The following RNF38 variants were observed in gnomAD, a reference collection of about 807,000 sequenced individuals.
The protein encoded by RNF38 is ring finger protein 38.
A neutral mutation model predicts 67.2 loss-of-function variants in RNF38; 15 were observed. The ratio of observed to expected loss-of-function variants is 0.22; its 90% CI spans 0.15 to 0.34. The LOEUF is 0.34. Among genes scored for constraint, RNF38 ranks in the 10% least tolerant of loss-of-function variants. RNF38 has a pLI of 1.00. For synonymous variants in RNF38, 220 were observed against 218.8 expected (o/e 1.01, Z -0.05); for missense variants, 524 against 639.9 (o/e 0.82, Z 1.95).
upstream of RNF38, chr9:36,400,987 T>A: frequency 2.0e-6 from 2 of 981,758 alleles, no homozygotes; most frequent in Non-Finnish European, 2.4e-6. Context: ...CGCACTGGCC[T>A]CCGCTGCGCG....
chr9:36,431,001 C>A (rs1415430258), intron 1 of RNF38, among the ~76,000 whole-genome samples: 1 of 152,174 alleles, frequency 6.6e-6, no homozygotes, highest in Non-Finnish European at 1.5e-5. Context: ...TTAATGTAGA[C>A]CCCAAAGGTA....
chr9:36,354,340 C>T lies in RNF38; in HGVS notation c.910-1009G>A, dbSNP rs903489415. 8.5e-5 allele frequency among the ~76,000 whole-genome samples: 13 copies of T among 152,276 alleles called. No homozygotes were observed. In the South Asian group the frequency reaches 1.7e-3, roughly 19 times the overall value. On this transcript the variant is annotated intron_variant, in intron 6 of 11. Transcript: ENST00000259605. ...CCTGAGTAGCTGGGGCTAGGGCGCC[C>T]GCCACCACACCTGGCTACTTTTTTG...
At position 36,391,610 on chromosome 9, in the gene RNF38, T is replaced by C. The variant is rs568929342; in HGVS notation, c.13-994A>G. On this transcript the variant is annotated intron_variant, in intron 1 of 11. Transcript: ENST00000259605. ...AACCAAAAACAAAGGCATCGTTTCC[T>C]ACTTTTTTTTTTTTTTTTTTTTGAG... Among the ~76,000 whole-genome samples the C allele has an allele frequency of 1.3e-3, 197 of 149,864 alleles. 1 individual carries two copies. Among genetic ancestry groups the C allele is most frequent in the African/African-American group, 4.5e-3 (186 of 40,920 alleles).
intron 8 of RNF38, among the ~76,000 whole-genome samples, chr9:36,352,034 T>A (rs1463192090): frequency 2.0e-5 from 3 of 152,296 alleles, no homozygotes; most frequent in African/African-American, 7.2e-5. Flanking sequence ...GCGCAGTGGC[T>A]CACACCTGTA....
chr9:36,360,105 T>C (rs1834415239), intron 4 of RNF38, among the ~76,000 whole-genome samples: 1 of 152,064 alleles, frequency 6.6e-6, no homozygotes. Flanking sequence ...CACGGTTCTG[T>C]CTTTCAAGAA....
chr9:36,381,809 G>A (rs762725951), intron 2 of RNF38, among the ~76,000 whole-genome samples: 1 of 152,152 alleles, frequency 6.6e-6, no homozygotes, highest in African/African-American at 2.4e-5. Flanking sequence ...ACTGTAATTC[G>A]ACTGTAGTGG....
chr9:36,471,091 T>C (rs1166049075), intron 1 of RNF38, among the ~76,000 whole-genome samples: 1 of 152,172 alleles, frequency 6.6e-6, no homozygotes, highest in African/African-American at 2.4e-5. Context: ...ACGATGTGCT[T>C]TTTTAAGGCA....
chr9:36,460,885 C>CAAAAAAAAAAAAAAA (rs752827635), intron 1 of RNF38, among the ~76,000 whole-genome samples: 2 of 52,948 alleles, frequency 3.8e-5, no homozygotes, highest in Admixed American at 2.6e-4. Context: ...GAAACTCTCT[C>CAAAAAAAAAAAAAAA]AAAAAAAAAA....
intron 1 of RNF38, among the ~76,000 whole-genome samples, chr9:36,393,518 TGTGTGG>T (rs1157026989): frequency 0.013 from 1,809 of 142,028 alleles, 26 homozygotes; most frequent in East Asian, 0.029. Flanking sequence ...TGTGTGTGTG[TGTGTGG>T]GGCAGGCAGT....
chr9:36,406,978 A>G (rs1159448924), intron 2 of RNF38, among the ~76,000 whole-genome samples: 2 of 152,126 alleles, frequency 1.3e-5, no homozygotes, highest in African/African-American at 2.4e-5. Flanking sequence ...CCTGGACAGC[A>G]TGATGAAACC....
At chr9:36,436,609 G>C (rs986819821) in intron 1 of RNF38, among the ~76,000 whole-genome samples, 1 of 152,066 alleles carries the variant, frequency 6.6e-6, no homozygotes, top group Non-Finnish European at 1.5e-5. Context: ...GGATCATGAG[G>C]TCAGGAGATT....
At chr9:36,393,523 G>GTGTGTGTGTGTGTGT (rs1554689616) in intron 1 of RNF38, among the ~76,000 whole-genome samples, 2 of 83,590 alleles carry the variant, frequency 2.4e-5, no homozygotes, top group African/African-American at 7.7e-5. Flanking sequence ...GTGTGTGTGT[G>GTGTGTGTGTGTGTGT]GGGCAGGCAG....
intron 2 of RNF38, among the ~76,000 whole-genome samples, chr9:36,415,981 T>C (rs1838455541): frequency 6.6e-6 from 1 of 151,832 alleles, no homozygotes; most frequent in Non-Finnish European, 1.5e-5. Context: ...TCGACTGCAG[T>C]AGTACGGGGC....
intron 1 of RNF38, among the ~76,000 whole-genome samples, chr9:36,451,053 A>G (rs1417156360): frequency 2.0e-5 from 3 of 152,224 alleles, no homozygotes; most frequent in African/African-American, 7.2e-5. Flanking sequence ...CTAGCAACCA[A>G]TGCAGTGCAA....
intron 1 of RNF38, among the ~76,000 whole-genome samples, chr9:36,431,810 C>T (rs918249811): frequency 1.3e-5 from 2 of 152,192 alleles, no homozygotes; most frequent in Non-Finnish European, 2.9e-5. Flanking sequence ...AAAGTTCCAA[C>T]ACTCAAATTG....
chr9:36,411,290 G>A (rs1413201461), intron 2 of RNF38, among the ~76,000 whole-genome samples: 3 of 152,082 alleles, frequency 2.0e-5, no homozygotes, highest in Non-Finnish European at 4.4e-5. Flanking sequence ...AGGATTTGGA[G>A]AAACTGGAAT....
At chr9:36,358,363 C>T (rs1834280461) in intron 4 of RNF38, among the ~76,000 whole-genome samples, 1 of 152,148 alleles carries the variant, frequency 6.6e-6, no homozygotes, top group Non-Finnish European at 1.5e-5. Context: ...TCTCATTTCC[C>T]GCCTAGCCAA....
Position 36,338,731 on chromosome 9 carries a change from A to C in RNF38, c.*1021T>G, listed in dbSNP as rs898267233. On this transcript the variant is annotated 3_prime_UTR_variant, in exon 12 of 12. Transcript: ENST00000259605. ...AGAAATATATTAATCAAATATCTTC[A>C]GAATAGACTAGACTACAAATCTAAA... The C allele has an allele frequency of 1.3e-5, 2 of 152,160 alleles. No individual in the cohort carries two copies. The highest frequency in any genetic ancestry group is 4.8e-5 in the African/African-American group (2 of 41,404). 9.4% of individuals were successfully genotyped at this position (152,160 alleles called of 1,614,324 possible). A position where few individuals can be genotyped will look rare whatever the true frequency, so the allele number is the denominator to read the frequency against.
chr9:36,460,885 C>CAAAAAAAAAAAAAA (rs752827635), intron 1 of RNF38, among the ~76,000 whole-genome samples: 2 of 52,940 alleles, frequency 3.8e-5, no homozygotes, highest in South Asian at 7.5e-4. Flanking sequence ...GAAACTCTCT[C>CAAAAAAAAAAAAAA]AAAAAAAAAA....
Sources: gnomAD v4.1 joint callset for allele counts (sites outside exome capture counted in the v4.1 genomes callset) on GRCh38, gnomAD v4.1.1 for gene constraint, MANE v1.5 for transcripts, NCBI Gene and HGNC (gene_info 2026-07-23, HGNC 2026-07-21) for gene names.